The following RYR3 variants were observed in gnomAD, a reference collection of about 807,000 sequenced individuals.
The protein encoded by RYR3 is ryanodine receptor 3.
Under a neutral mutation model 584.3 loss-of-function variants are expected in RYR3, and 207 were observed. The ratio of observed to expected loss-of-function variants is 0.35; its 90% CI spans 0.32 to 0.40. RYR3 has a LOEUF of 0.40. Among genes scored for constraint, RYR3 ranks in the 10% least tolerant of loss-of-function variants. RYR3 has a pLI of 1.00. For synonymous variants in RYR3, 2,416 were observed against 2,248.5 expected (o/e 1.07, Z -2.11); for missense variants, 5,616 against 6,089.2 (o/e 0.92, Z 2.59).
intron 38 of RYR3, among the ~76,000 whole-genome samples, chr15:33,686,795 A>C (rs1218441954): frequency 6.6e-6 from 1 of 152,270 alleles, no homozygotes; most frequent in African/African-American, 2.4e-5. Flanking sequence ...GTAATCCATC[A>C]CATAAACAGA....
At chr15:33,669,249 G>T in intron 36 of RYR3, 105 bp from the exon 37 acceptor site, 3 of 719,956 alleles carry the variant, frequency 4.2e-6, no homozygotes, top group Non-Finnish European at 4.2e-6. Context: ...AAATCACTAA[G>T]TAAAATAAAT....
intron 1 of RYR3, among the ~76,000 whole-genome samples, chr15:33,314,962 A>AAC (rs1967948106): frequency 1.3e-5 from 2 of 152,114 alleles, no homozygotes; most frequent in Non-Finnish European, 2.9e-5. Flanking sequence ...CAACAACAAC[A>AAC]AAAAACGGAA....
chr15:33,496,041 G>A (rs911315314), intron 2 of RYR3, among the ~76,000 whole-genome samples: 3 of 152,154 alleles, frequency 2.0e-5, no homozygotes, highest in African/African-American at 4.8e-5. Flanking sequence ...CCATGAAAAC[G>A]TGGTCTTATC....
chr15:33,576,297 C>T (rs910550398), intron 12 of RYR3, among the ~76,000 whole-genome samples: 8 of 152,176 alleles, frequency 5.3e-5, no homozygotes, highest in African/African-American at 1.9e-4. Context: ...GATACCAAAA[C>T]CTGGCAGAGA....
At chr15:33,625,872 T>C (rs1237249188) in intron 20 of RYR3, among the ~76,000 whole-genome samples, 1 of 152,202 alleles carries the variant, frequency 6.6e-6, no homozygotes, top group Non-Finnish European at 1.5e-5. Flanking sequence ...TGGGGGGCTC[T>C]TTTTTTAGGC....
At chr15:33,706,127 C>T (rs2066697208) in intron 42 of RYR3, among the ~76,000 whole-genome samples, 1 of 151,914 alleles carries the variant, frequency 6.6e-6, no homozygotes, top group African/African-American at 2.4e-5. Context: ...ACAGGCCTCA[C>T]AGCTATCTTA....
chr15:33,572,658 T>TATACACACAC lies in RYR3; in HGVS notation c.1268+5860_1268+5861insTACACACACA, dbSNP rs533341248. On this transcript the variant is annotated intron_variant, in intron 12 of 103. Coordinates refer to ENST00000634891, the MANE Select transcript of RYR3 (RefSeq NM_001036.6). The stretch of plus-strand genomic sequence containing the variant: ...TAAATTAAAAAAAAAAAACTATATA[T>TATACACACAC]ACACACACACACACACACACACACA... Among the ~76,000 whole-genome samples, 336 of 124,510 alleles carry TATACACACAC rather than the reference T, an allele frequency of 2.7e-3. 2 individuals are homozygous for TATACACACAC. Among genetic ancestry groups the TATACACACAC allele is most frequent in the African/African-American group, 0.011 (325 of 30,674 alleles). 81.7% of individuals were successfully genotyped at this position (124,510 alleles called of 152,430 possible).
Position 33,696,486 on chromosome 15 carries a change from G to A in RYR3, c.6129G>A (p.Gly2043=), listed in dbSNP as rs954764673. 12 of 1,613,964 alleles carry A rather than the reference G, an allele frequency of 7.4e-6. No homozygotes were observed. Among genetic ancestry groups the A allele is most frequent in the Non-Finnish European group, 9.3e-6 (11 of 1,179,846 alleles). Reference sequence around the variant, plus strand: ...AAGAGGAGTTGCTCATGATCAATGGGCTGGGGTAGGTGATTCACGGTTACG... The same window carrying A: ...AAGAGGAGTTGCTCATGATCAATGGACTGGGGTAGGTGATTCACGGTTACG... ...GKEEELLMIN[G]LGDIMNNKVF... The change falls in exon 39 of 104, where the codon GGG becomes GGA. Residue 2043 remains glycine (G), a synonymous_variant. Coordinates refer to ENST00000634891, the MANE Select transcript of RYR3 (RefSeq NM_001036.6).
intron 1 of RYR3, among the ~76,000 whole-genome samples, chr15:33,364,443 C>CATCT (rs1975195671): frequency 6.6e-6 from 1 of 152,202 alleles, no homozygotes; most frequent in South Asian, 2.1e-4. Flanking sequence ...TTCTGTTCCC[C>CATCT]ATCTATCCCT....
At position 33,615,078 on chromosome 15, in the gene RYR3, C is replaced by T. The variant is rs372305432; in HGVS notation, c.2357+1703C>T. 2.6e-5 allele frequency among the ~76,000 whole-genome samples: 4 copies of T among 152,308 alleles called. No homozygotes were observed. In the East Asian group the frequency reaches 7.7e-4, roughly 29 times the overall value. On this transcript the variant is annotated intron_variant, in intron 19 of 103. Transcript: ENST00000634891. The stretch of plus-strand genomic sequence containing the variant: ...AAGGCAAAACCCCACAATAACCCTT[C>T]TTTCCCAAACTTTCCTCAGCCATTC...
chr15:33,765,705 A>G (rs1317349949), intron 60 of RYR3, among the ~76,000 whole-genome samples: 1 of 151,858 alleles, frequency 6.6e-6, no homozygotes, highest in Non-Finnish European at 1.5e-5. Flanking sequence ...TCCAGTGAAC[A>G]GTGTACATTA....
intron 1 of RYR3, among the ~76,000 whole-genome samples, chr15:33,444,902 TA>T (rs562364499): frequency 0.049 from 6,492 of 133,036 alleles, 377 homozygotes; most frequent in African/African-American, 0.14. Context: ...ACTTAAAGTA[TA>T]AAAAAAAAAA....
In RYR3 at chr15:33,598,742, C is replaced by T. The variant is rs898202475; in HGVS notation, c.1789-2677C>T. On this transcript the variant is annotated intron_variant, in intron 16 of 103. Transcript: ENST00000634891. ...GGAAAACTTGCCTTCCTGTTGGAAG[C>T]AAGTAAAACTAAAAAAAAAAATAGG... 2.2e-5 allele frequency among the ~76,000 whole-genome samples: 3 copies of T among 134,942 alleles called. No homozygotes were observed. The South Asian group carries it at 7.5e-4, about 34-fold the overall frequency. The allele number at this position is 134,942 out of a possible 152,430, so 88.5% of individuals were successfully genotyped here. A position where few individuals can be genotyped will look rare whatever the true frequency, so the allele number is the denominator to read the frequency against.
intron 56 of RYR3, 24 bp from the exon 57 acceptor site, chr15:33,750,139 C>T (rs2071138889): frequency 3.7e-6 from 6 of 1,608,334 alleles, no homozygotes; most frequent in Non-Finnish European, 5.1e-6. Context: ...AGCCAAATGT[C>T]ATCTCTCACC....
At chr15:33,704,342 C>G (rs16957657) in intron 42 of RYR3, among the ~76,000 whole-genome samples, 15,697 of 151,486 alleles carry the variant, frequency 0.1, 2,076 homozygotes, top group African/African-American at 0.31. Flanking sequence ...ATATAACTTA[C>G]GGTTAACTTT....
chr15:33,370,482 A>G (rs539620210), intron 1 of RYR3, among the ~76,000 whole-genome samples: 1 of 152,184 alleles, frequency 6.6e-6, no homozygotes, highest in African/African-American at 2.4e-5. Context: ...CTGCTTACAG[A>G]TAGGACACAG....
intron 38 of RYR3, among the ~76,000 whole-genome samples, chr15:33,686,099 G>A (rs2064988717): frequency 6.6e-6 from 1 of 152,066 alleles, no homozygotes; most frequent in Admixed American, 6.6e-5. Flanking sequence ...GATCAGAGCA[G>A]AACTGAAGGA....
At chr15:33,553,782 G>A (rs774865426) in intron 10 of RYR3, among the ~76,000 whole-genome samples, 5 of 152,068 alleles carry the variant, frequency 3.3e-5, no homozygotes, top group African/African-American at 7.3e-5. Flanking sequence ...AGCCTAGATC[G>A]GGCCTTGATT....
intron 1 of RYR3, among the ~76,000 whole-genome samples, chr15:33,413,073 G>C (rs147624289): frequency 6.6e-6 from 1 of 152,206 alleles, no homozygotes; most frequent in Non-Finnish European, 1.5e-5. Flanking sequence ...GGATAAAATG[G>C]CTCTCTTCTT....
Sources: allele counts gnomAD v4.1 joint callset (sites outside exome capture counted in the v4.1 genomes callset), GRCh38; gene constraint gnomAD v4.1.1; transcripts MANE v1.5; gene names NCBI Gene and HGNC (gene_info 2026-07-23, HGNC 2026-07-21).